GPC6: variants seen among roughly 807,000 people sequenced by gnomAD.
GPC6 encodes the protein glypican 6.
In GPC6, 14 loss-of-function variants were observed where a neutral mutation model predicts 55.2. That is an observed-to-expected ratio of 0.25 (90% CI 0.17 to 0.40). GPC6 has a LOEUF of 0.40. Among genes scored for constraint, GPC6 ranks in the 10% least tolerant of loss-of-function variants. The pLI, the probability that GPC6 is intolerant of heterozygous loss-of-function variation, is 1.00. For missense variants in GPC6, 641 were observed against 708.5 expected (o/e 0.90, Z 1.08); for synonymous variants, 278 against 259.6 (o/e 1.07, Z -0.68).
intron 4 of GPC6, among the ~76,000 whole-genome samples, chr13:94,272,630 G>A (rs532400025): frequency 4.0e-4 from 60 of 151,608 alleles, no homozygotes; most frequent in Admixed American, 7.2e-4. Flanking sequence ...CACCACGCCC[G>A]GCTAATTTTT....
intron 2 of GPC6, among the ~76,000 whole-genome samples, chr13:93,754,968 A>G (rs535452613): frequency 6.6e-6 from 1 of 152,314 alleles, no homozygotes; most frequent in African/African-American, 2.4e-5. Context: ...TATAGACTGG[A>G]TAAATATTAT....
chr13:93,269,579 T>C, intron 1 of GPC6, among the ~76,000 whole-genome samples: 1 of 152,104 alleles, frequency 6.6e-6, no homozygotes. Context: ...TTTTGCTTTT[T>C]CTGTTTCAAT....
At chr13:93,424,026 A>G (rs1877026036) in intron 1 of GPC6, among the ~76,000 whole-genome samples, 2 of 152,078 alleles carry the variant, frequency 1.3e-5, no homozygotes, top group Admixed American at 6.6e-5. Flanking sequence ...TCTTTGGTTC[A>G]TAGCTGTGCC....
chr13:94,003,204 G>A (rs1881880421), intron 3 of GPC6, among the ~76,000 whole-genome samples: 1 of 152,134 alleles, frequency 6.6e-6, no homozygotes, highest in African/African-American at 2.4e-5. Context: ...AAGTATAATT[G>A]GAACCTGCCA....
At position 94,271,521 on chromosome 13, in the gene GPC6, G is replaced by A. The variant is rs115324581; in HGVS notation, c.878-14828G>A. Among the ~76,000 whole-genome samples the A allele has an allele frequency of 2.5e-3, 373 of 152,038 alleles. 3 individuals carry two copies. The highest frequency in any genetic ancestry group is 8.7e-3 in the African/African-American group (359 of 41,474). On this transcript the variant is annotated intron_variant, in intron 4 of 8. Transcript: ENST00000377047. ...CCTGTCCTGAATAGGACCTTCCCTAGCCCTTTACAACCTTGAGCCTTGGGC... is the reference window on the plus strand; with the variant it reads ...CCTGTCCTGAATAGGACCTTCCCTAACCCTTTACAACCTTGAGCCTTGGGC...
chr13:93,863,844 A>C (rs1888885088), intron 3 of GPC6, among the ~76,000 whole-genome samples: 1 of 151,734 alleles, frequency 6.6e-6, no homozygotes. Flanking sequence ...TATGATGTGC[A>C]TTTGTGTTGC....
intron 1 of GPC6, among the ~76,000 whole-genome samples, chr13:93,296,197 G>T (rs536073065): frequency 6.6e-6 from 1 of 152,154 alleles, no homozygotes; most frequent in East Asian, 1.9e-4. Flanking sequence ...GAGCCTGAGA[G>T]TCCTATTTGA....
intron 4 of GPC6, among the ~76,000 whole-genome samples, chr13:94,147,399 A>G (rs1481738179): frequency 1.3e-5 from 2 of 152,148 alleles, no homozygotes; most frequent in Non-Finnish European, 2.9e-5. Flanking sequence ...CCTGGGTCAA[A>G]TCTCAGGGCT....
chr13:94,324,879 A>G (rs1259848197), intron 6 of GPC6, among the ~76,000 whole-genome samples: 2 of 152,112 alleles, frequency 1.3e-5, no homozygotes, highest in Non-Finnish European at 2.9e-5. Context: ...AAGGGTTTTC[A>G]CATCCCATAT....
chr13:93,696,614 A>ATT lies in GPC6; in HGVS notation c.320-133523_320-133522dup, dbSNP rs144339785. Reference sequence around the variant, plus strand: ...ACTTTTATACTGGTTACCTCCATAAATTTTTTTTTTTTTTTTTTAGGCAGA... The same window carrying ATT: ...ACTTTTATACTGGTTACCTCCATAAATTTTTTTTTTTTTTTTTTTTAGGCAGA... On this transcript the variant is annotated intron_variant, in intron 2 of 8. Transcript: ENST00000377047. Among the ~76,000 whole-genome samples, 661 of 136,640 alleles carry ATT rather than the reference A, an allele frequency of 4.8e-3. 3 individuals are homozygous for ATT. Among genetic ancestry groups the ATT allele is most frequent in the Middle Eastern group, 0.024 (6 of 248 alleles). 89.6% of individuals were successfully genotyped at this position (136,640 alleles called of 152,430 possible). A position where few individuals can be genotyped will look rare whatever the true frequency, so the allele number is the denominator to read the frequency against.
chr13:93,973,469 TA>T (rs1426161340), intron 3 of GPC6, among the ~76,000 whole-genome samples: 1 of 152,134 alleles, frequency 6.6e-6, no homozygotes, highest in Non-Finnish European at 1.5e-5. Flanking sequence ...CTAGTCTTAA[TA>T]ATCAGATGCC....
At chr13:94,333,186 A>G (rs1877513278) in intron 6 of GPC6, among the ~76,000 whole-genome samples, 1 of 152,198 alleles carries the variant, frequency 6.6e-6, no homozygotes, top group Non-Finnish European at 1.5e-5. Context: ...TTAATTTTTT[A>G]CTATAAATTT....
At chr13:93,497,566 G>A (rs1036515939) in intron 1 of GPC6, among the ~76,000 whole-genome samples, 14 of 152,158 alleles carry the variant, frequency 9.2e-5, no homozygotes, top group African/African-American at 2.7e-4. Flanking sequence ...CAGTTAACAG[G>A]GATGTATGGC....
intron 2 of GPC6, among the ~76,000 whole-genome samples, chr13:93,578,994 G>C (rs551108196): frequency 6.6e-6 from 1 of 152,152 alleles, no homozygotes; most frequent in South Asian, 2.1e-4. Flanking sequence ...AAGTGAATAA[G>C]TCAAACACAG....
Position 93,544,963 on chromosome 13 carries a change from G to A in GPC6, c.161-300G>A, listed in dbSNP as rs12854090. Among the ~76,000 whole-genome samples, 57,531 of 151,960 alleles carry A rather than the reference G, an allele frequency of 0.38. 13,055 individuals are homozygous for A. Among genetic ancestry groups the A allele is most frequent in the Middle Eastern group, 0.57 (168 of 294 alleles). On this transcript the variant is annotated intron_variant, in intron 1 of 8. Coordinates refer to ENST00000377047, the MANE Select transcript of GPC6 (RefSeq NM_005708.5). ...ATCTTGTGTTGTTGTATCACCTGAT[G>A]TTTACTTGATGTATTAAAAATAAAA...
rs939069846 is a variant in GPC6 at position 94,141,391 on chromosome 13, A to C, written c.877+113497A>C. Among the ~76,000 whole-genome samples, 4 of 152,294 alleles carry C rather than the reference A, an allele frequency of 2.6e-5. No homozygotes were observed. In the South Asian group the frequency reaches 8.3e-4, roughly 32 times the overall value. On this transcript the variant is annotated intron_variant, in intron 4 of 8. Transcript: ENST00000377047. Reference sequence around the variant, plus strand: ...AGTGACTTGTAAGGGTGTGTGACTTAACCCTTGTCTGGCATGGCGTTAGGT... The same window carrying C: ...AGTGACTTGTAAGGGTGTGTGACTTCACCCTTGTCTGGCATGGCGTTAGGT...
chr13:94,402,334 G>A (rs990566891), intron 8 of GPC6, among the ~76,000 whole-genome samples: 2 of 152,178 alleles, frequency 1.3e-5, no homozygotes, highest in African/African-American at 4.8e-5. Context: ...CTTAAGTACT[G>A]GCCAGAAGAA....
chr13:94,388,875 C>G (rs1431719896), intron 7 of GPC6, among the ~76,000 whole-genome samples: 3 of 152,180 alleles, frequency 2.0e-5, no homozygotes, highest in Admixed American at 6.5e-5. Context: ...TACCATCACA[C>G]TGGGGATTAG....
At chr13:93,996,170 C>G (rs1881544589) in intron 3 of GPC6, among the ~76,000 whole-genome samples, 1 of 152,102 alleles carries the variant, frequency 6.6e-6, no homozygotes, top group Admixed American at 6.6e-5. Flanking sequence ...AATAGTTTAC[C>G]ATTAAAACTG....
Sources: gnomAD v4.1 joint callset for allele counts (sites outside exome capture counted in the v4.1 genomes callset) on GRCh38, gnomAD v4.1.1 for gene constraint, MANE v1.5 for transcripts, NCBI Gene and HGNC (gene_info 2026-07-23, HGNC 2026-07-21) for gene names.